The following SHISA9 variants were observed in gnomAD, a reference collection of about 807,000 sequenced individuals.
SHISA9 encodes shisa family member 9.
Under a neutral mutation model 38.0 loss-of-function variants are expected in SHISA9, and 13 were observed. The ratio of observed to expected loss-of-function variants is 0.34; its 90% CI spans 0.22 to 0.54. SHISA9 has a LOEUF of 0.54. SHISA9 is among the 20% of genes least tolerant of loss of function. The pLI is 0.91. For missense variants in SHISA9, 538 were observed against 575.8 expected (o/e 0.93, Z 0.67); for synonymous variants, 275 against 242.0 (o/e 1.14, Z -1.27).
At chr16:13,286,640 C>T in the SHISA9 span, among the ~76,000 whole-genome samples, 1 of 152,108 alleles carries the variant, frequency 6.6e-6, no homozygotes, top group African/African-American at 2.4e-5. Flanking sequence ...TATCGGAGAG[C>T]TTTGATGTGT....
chr16:13,065,018 C>A (rs2073418836), intron 2 of SHISA9, among the ~76,000 whole-genome samples: 1 of 152,150 alleles, frequency 6.6e-6, no homozygotes, highest in Non-Finnish European at 1.5e-5. Flanking sequence ...AGAGACCCCA[C>A]CTCTTGGGAG....
the SHISA9 span, among the ~76,000 whole-genome samples, chr16:13,307,683 A>G: frequency 1.3e-3 from 195 of 152,354 alleles, no homozygotes; most frequent in African/African-American, 4.1e-3. Context: ...TTCAATGTAG[A>G]TATGATTAAT....
chr16:13,539,932 C>CT, the SHISA9 span, among the ~76,000 whole-genome samples: 102,917 of 151,970 alleles, frequency 0.68, 35,410 homozygotes, highest in East Asian at 0.97. Context: ...TGATCCTACT[C>CT]TTTTTTATGG....
chr16:12,992,951 G>A (rs574701661), intron 2 of SHISA9, among the ~76,000 whole-genome samples: 1 of 152,340 alleles, frequency 6.6e-6, no homozygotes, highest in East Asian at 1.9e-4. Flanking sequence ...GGAAAATTGA[G>A]GCATAGGAAG....
rs2051408786 is a variant in SHISA9 at position 13,238,725 on chromosome 16, T to A, written c.*3316T>A. On this transcript the variant is annotated 3_prime_UTR_variant, in exon 5 of 5. Coordinates refer to ENST00000558583, the MANE Select transcript of SHISA9 (RefSeq NM_001145204.3). ...AGGAAGTGCTTCATAGTTTATTATC[T>A]TCCAGTTGGTTTTGGGAGATGAACT... 1 of 151,910 alleles carries A rather than the reference T, an allele frequency of 6.6e-6. No individual in the cohort carries two copies. Among genetic ancestry groups the A allele is most frequent in the African/African-American group, 2.4e-5 (1 of 41,388 alleles). 9.4% of individuals were successfully genotyped at this position (151,910 alleles called of 1,614,324 possible).
At chr16:13,015,951 T>TTTCCCTTCCC (rs1567182503) in intron 2 of SHISA9, among the ~76,000 whole-genome samples, 2 of 6,340 alleles carry the variant, frequency 3.2e-4, no homozygotes, top group African/African-American at 4.7e-4. Flanking sequence ...CCTTCTCTCT[T>TTTCCCTTCCC]TTCCCTTCCC....
rs527954772 is a variant in SHISA9, at chr16:13,219,256, C to T, written c.895+5956C>T. ...TAACCCAGCCAGATCCTGTTCATTC[C>T]AAAGCCATCTTGCGTGACACTCACA... is the stretch of plus-strand genomic sequence containing the variant. On this transcript the variant is annotated intron_variant, in intron 4 of 4. Coordinates refer to ENST00000558583, the MANE Select transcript of SHISA9 (RefSeq NM_001145204.3). Among the ~76,000 whole-genome samples the T allele has an allele frequency of 3.8e-4, 58 of 152,326 alleles. 2 individuals are homozygous for T. The South Asian group carries it at 0.012, about 31-fold the overall frequency.
chr16:12,919,822 G>C (rs1192967269), intron 2 of SHISA9, among the ~76,000 whole-genome samples: 1 of 152,146 alleles, frequency 6.6e-6, no homozygotes, highest in African/African-American at 2.4e-5. Flanking sequence ...AAAATATTTA[G>C]TCTGATAATC....
the SHISA9 span, among the ~76,000 whole-genome samples, chr16:13,281,118 A>G: frequency 2.0e-5 from 3 of 151,858 alleles, no homozygotes; most frequent in Non-Finnish European, 2.9e-5. Context: ...AAAAATATCT[A>G]TGAGCCAGAG....
intron 2 of SHISA9, among the ~76,000 whole-genome samples, chr16:13,145,367 A>C (rs1393211888): frequency 6.6e-6 from 1 of 152,232 alleles, no homozygotes; most frequent in Non-Finnish European, 1.5e-5. Context: ...TCTACTAAAA[A>C]TACAAAAAAA....
chr16:13,317,233 G>A, the SHISA9 span, among the ~76,000 whole-genome samples: 1 of 152,224 alleles, frequency 6.6e-6, no homozygotes, highest in African/African-American at 2.4e-5. Context: ...CCAGGAGTCT[G>A]GATGCCAAGA....
chr16:13,228,791 T>A (rs1381255492), intron 4 of SHISA9, among the ~76,000 whole-genome samples: 1 of 152,180 alleles, frequency 6.6e-6, no homozygotes, highest in African/African-American at 2.4e-5. Flanking sequence ...ACAGATTATT[T>A]CATCCCCCAG....
intron 1 of SHISA9, chr16:12,910,312 T>G: frequency 3.1e-5 from 7 of 225,644 alleles, no homozygotes; most frequent in Non-Finnish European, 5.2e-5. Flanking sequence ...AATTCATTCA[T>G]TCATTCTTTC....
chr16:12,974,407 C>T (rs2072126914), intron 2 of SHISA9, among the ~76,000 whole-genome samples: 1 of 150,334 alleles, frequency 6.7e-6, no homozygotes, highest in African/African-American at 2.5e-5. Flanking sequence ...AAAACACAGA[C>T]TATAGTTTCT....
intron 2 of SHISA9, among the ~76,000 whole-genome samples, chr16:13,167,687 T>C (rs1176820234): frequency 6.6e-6 from 1 of 152,122 alleles, no homozygotes; most frequent in Non-Finnish European, 1.5e-5. Flanking sequence ...TTCTCTCTCT[T>C]CCTCCTGCTC....
At chr16:13,417,039 A>G in the SHISA9 span, among the ~76,000 whole-genome samples, 1 of 152,220 alleles carries the variant, frequency 6.6e-6, no homozygotes, top group Non-Finnish European at 1.5e-5. Flanking sequence ...TCTGTTTATA[A>G]CAATTTAAGG....
At chr16:13,271,529 C>G in the SHISA9 span, among the ~76,000 whole-genome samples, 1 of 152,112 alleles carries the variant, frequency 6.6e-6, no homozygotes, top group Non-Finnish European at 1.5e-5. Flanking sequence ...ATTCTATATC[C>G]CTACCATGGG....
intron 2 of SHISA9, among the ~76,000 whole-genome samples, chr16:13,032,929 C>T (rs899331426): frequency 1.3e-5 from 2 of 152,140 alleles, no homozygotes; most frequent in African/African-American, 2.4e-5. Context: ...AGAGTCAGAG[C>T]GAGATCAAGG....
intron 1 of SHISA9, among the ~76,000 whole-genome samples, chr16:12,912,967 TC>T (rs2071206040): frequency 6.6e-6 from 1 of 152,102 alleles, no homozygotes; most frequent in Non-Finnish European, 1.5e-5. Context: ...CGTGTCCAAC[TC>T]CTCGCTGTTC....
Sources: allele counts gnomAD v4.1 joint callset (sites outside exome capture counted in the v4.1 genomes callset), GRCh38; gene constraint gnomAD v4.1.1; transcripts MANE v1.5; gene names NCBI Gene and HGNC (gene_info 2026-07-23, HGNC 2026-07-21).